REPS2: variants seen among roughly 807,000 people sequenced by gnomAD.
REPS2 encodes the protein ralBP1-associated Eps domain-containing protein 2.
In REPS2, 23 loss-of-function variants were observed where a neutral mutation model predicts 53.6. That is an observed-to-expected ratio of 0.43 (90% CI 0.31 to 0.61). The LOEUF is 0.61. Among genes scored for constraint, REPS2 ranks in the 20% least tolerant of loss-of-function variants. REPS2 has a pLI of 0.11. For missense variants in REPS2, 446 were observed against 534.9 expected (o/e 0.83, Z 1.64); for synonymous variants, 238 against 218.6 (o/e 1.09, Z -0.78).
intron 1 of REPS2, among the ~76,000 whole-genome samples, chrX:16,998,469 C>A (rs1284865473): frequency 8.9e-6 from 1 of 112,043 alleles, no homozygotes; most frequent in Non-Finnish European, 1.9e-5. Flanking sequence ...CCTACTATAT[C>A]AGCTGCTTTC....
chrX:17,175,161 T>C, the REPS2 span, among the ~76,000 whole-genome samples: 1 of 112,616 alleles, frequency 8.9e-6, no homozygotes, highest in Non-Finnish European at 1.9e-5. Context: ...AAGGTACTTG[T>C]GTGTGCCATT....
chrX:17,107,886 A>G (rs2062895515), intron 14 of REPS2, among the ~76,000 whole-genome samples: 2 of 111,435 alleles, frequency 1.8e-5, no homozygotes, highest in African/African-American at 3.3e-5. Context: ...AAAGTAAACT[A>G]TTTCATATAG....
chrX:17,027,601 A>G (rs761093517), intron 4 of REPS2, among the ~76,000 whole-genome samples: 2 of 107,724 alleles, frequency 1.9e-5, no homozygotes, highest in Non-Finnish European at 3.8e-5. Flanking sequence ...GTAGTTGTAT[A>G]TGAAACTGCC....
chrX:17,031,534 T>G (rs2061708949), intron 5 of REPS2, among the ~76,000 whole-genome samples: 1 of 112,305 alleles, frequency 8.9e-6, no homozygotes, highest in African/African-American at 3.2e-5. Flanking sequence ...ACACTAACAG[T>G]TTCTGCCCTC....
chrX:17,056,192 A>G (rs1188188817), intron 8 of REPS2, among the ~76,000 whole-genome samples: 2 of 111,451 alleles, frequency 1.8e-5, no homozygotes, highest in Non-Finnish European at 3.8e-5. Context: ...CTCATTCTAT[A>G]CCCTCTGGAT....
At chrX:17,047,667 A>G (rs1417171444) in intron 6 of REPS2, among the ~76,000 whole-genome samples, 185 bp downstream of exon 6, 1 of 112,739 alleles carries the variant, frequency 8.9e-6, no homozygotes, top group African/African-American at 3.2e-5. Flanking sequence ...GGAAAATTAT[A>G]TTTCCATTTC....
intron 15 of REPS2, 59 bp from the exon 16 acceptor site, chrX:17,135,202 A>G (rs2063349407): frequency 3.6e-6 from 4 of 1,120,621 alleles, no homozygotes; most frequent in Middle Eastern, 5.0e-4. Context: ...TGGAAGGAAG[A>G]GTGGAGGGAA....
At position 16,998,085 on chromosome X, in the gene REPS2, A is replaced by G. The variant is rs999954569; in HGVS notation, c.274-8136A>G. On this transcript the variant is annotated intron_variant, in intron 1 of 17. Transcript: ENST00000357277. Reference sequence around the variant, plus strand: ...CACAGGGAGACCCCCCATCTCTACAAAAAAACAAAAAAGTAGCCAGGTGTG... The same window carrying G: ...CACAGGGAGACCCCCCATCTCTACAGAAAAACAAAAAAGTAGCCAGGTGTG... Among the ~76,000 whole-genome samples, 4 of 6,537 alleles carry G rather than the reference A, an allele frequency of 6.1e-4. No individual in the cohort carries two copies. In the Admixed American group the frequency reaches 9.7e-3, roughly 16 times the overall value. The allele number at this position is 6,537 out of a possible 115,157, so 5.7% of individuals were successfully genotyped here. A position where few individuals can be genotyped will look rare whatever the true frequency, so the allele number is the denominator to read the frequency against.
the REPS2 span, among the ~76,000 whole-genome samples, chrX:17,165,765 G>C: frequency 9.0e-6 from 1 of 110,916 alleles, no homozygotes; most frequent in African/African-American, 3.3e-5. Flanking sequence ...GAGGTTGGGT[G>C]GTGGGGAGGA....
intron 14 of REPS2, among the ~76,000 whole-genome samples, chrX:17,113,808 T>G (rs1311953497): frequency 1.8e-5 from 2 of 111,207 alleles, no homozygotes; most frequent in Admixed American, 1.9e-4. Flanking sequence ...TTGAAAGAAG[T>G]ACTCAGCATT....
At position 16,946,889 on chromosome X, in the gene REPS2, G is replaced by T; in HGVS notation, c.28G>T (p.Ala10Ser). 3 of 771,524 alleles carry T rather than the reference G, an allele frequency of 3.9e-6. No individual in the cohort carries two copies. The highest frequency in any genetic ancestry group is 4.6e-6 in the Non-Finnish European group (3 of 653,527). 63.6% of individuals were successfully genotyped at this position (771,524 alleles called of 1,213,427 possible). ...GGAGGCGGCAGCGGCGGCGGCGGCG[G>T]CGGCAGCGGCAGCGGCAGCGGCGGG... The part of the protein sequence containing the change: MEAAAAAAA[A>S]AAAAAAAGGG... Residue 10 changes from alanine to serine, a missense_variant, in exon 1 of 18, where the codon GCG (alanine) becomes TCG (serine). By Grantham distance (99) the Ala-to-Ser change is moderately conservative. Coordinates refer to ENST00000357277, the MANE Select transcript of REPS2 (RefSeq NM_004726.3).
chrX:17,111,453 C>T (rs1489647100), intron 14 of REPS2, among the ~76,000 whole-genome samples: 1 of 112,425 alleles, frequency 8.9e-6, no homozygotes, highest in African/African-American at 3.2e-5. Flanking sequence ...AATTTATAAA[C>T]GTATATCACT....
chrX:17,103,270 T>G (rs1009786981), intron 13 of REPS2, among the ~76,000 whole-genome samples: 1 of 111,984 alleles, frequency 8.9e-6, no homozygotes, highest in African/African-American at 3.2e-5. Context: ...CCAAGCTTCC[T>G]CATTTGGGTT....
At chrX:17,095,237 T>C (rs1393805118) in intron 13 of REPS2, among the ~76,000 whole-genome samples, 2 of 112,293 alleles carry the variant, frequency 1.8e-5, no homozygotes, top group African/African-American at 3.2e-5. Context: ...ATCAACTCTT[T>C]AGATGTCTCT....
chrX:17,103,510 A>G (rs983340618), intron 13 of REPS2, among the ~76,000 whole-genome samples: 1 of 111,906 alleles, frequency 8.9e-6, no homozygotes, highest in African/African-American at 3.3e-5. Flanking sequence ...ATAACAGCCT[A>G]CATAAATACT....
At chrX:17,042,694 G>T (rs1010065841) in intron 5 of REPS2, among the ~76,000 whole-genome samples, 1 of 112,054 alleles carries the variant, frequency 8.9e-6, no homozygotes, top group Non-Finnish European at 1.9e-5. Context: ...GTGGGATAAA[G>T]TATCTGATAT....
chrX:17,043,317 G>C (rs1282912916), intron 5 of REPS2, among the ~76,000 whole-genome samples: 1 of 111,165 alleles, frequency 9.0e-6, no homozygotes, highest in Non-Finnish European at 1.9e-5. Flanking sequence ...GCCCACTTAA[G>C]TTTTCTTGGA....
intron 1 of REPS2, among the ~76,000 whole-genome samples, chrX:16,989,047 A>G (rs1420006632): frequency 8.9e-6 from 1 of 111,831 alleles, no homozygotes; most frequent in Non-Finnish European, 1.9e-5. Context: ...TAAGATTTTA[A>G]GACATATAAC....
chrX:17,160,618 G>T, the REPS2 span, among the ~76,000 whole-genome samples: 2 of 112,085 alleles, frequency 1.8e-5, no homozygotes, highest in Admixed American at 9.4e-5. Flanking sequence ...AAACTCTGCT[G>T]GCAGGCAGCA....
Sources: allele counts gnomAD v4.1 joint callset (sites outside exome capture counted in the v4.1 genomes callset), GRCh38; gene constraint gnomAD v4.1.1; transcripts MANE v1.5; gene names NCBI Gene and HGNC (gene_info 2026-07-23, HGNC 2026-07-21).